GPHN: variants seen among roughly 807,000 people sequenced by gnomAD.
The protein encoded by GPHN is gephyrin.
Under a neutral mutation model 95.5 loss-of-function variants are expected in GPHN, and 17 were observed. The ratio of observed to expected loss-of-function variants is 0.18; its 90% CI spans 0.12 to 0.27. The LOEUF is 0.27. Among genes scored for constraint, GPHN ranks in the 10% least tolerant of loss-of-function variants. The pLI, the probability that GPHN is intolerant of heterozygous loss-of-function variation, is 1.00. For synonymous variants in GPHN, 320 were observed against 322.5 expected, an observed-to-expected ratio of 0.99 and a Z score of 0.08; for missense variants, 660 against 978.1, an observed-to-expected ratio of 0.67 and a Z score of 4.34.
At chr14:67,264,866 G>A in the GPHN span, among the ~76,000 whole-genome samples, 1 of 152,102 alleles carries the variant, frequency 6.6e-6, no homozygotes. Flanking sequence ...GTTTACATCT[G>A]AGAAAGATGT....
chr14:67,233,784 A>G, the GPHN span, among the ~76,000 whole-genome samples: 2 of 152,250 alleles, frequency 1.3e-5, no homozygotes, highest in African/African-American at 2.4e-5. Context: ...TGAACGTGCC[A>G]TGTGAAAGAA....
chr14:66,701,478 A>C (rs1295034131), intron 2 of GPHN, among the ~76,000 whole-genome samples: 2 of 152,182 alleles, frequency 1.3e-5, no homozygotes, highest in Admixed American at 1.3e-4. Flanking sequence ...CAGGCTGTCT[A>C]ATCAGAAATG....
intron 4 of GPHN, among the ~76,000 whole-genome samples, chr14:66,827,764 C>A (rs902039309): frequency 7.2e-5 from 11 of 152,132 alleles, no homozygotes; most frequent in African/African-American, 2.6e-4. Context: ...GGGTAAGCTT[C>A]ATATTTGATC....
At chr14:67,302,218 C>A in the GPHN span, 1 of 1,315,514 alleles carries the variant, frequency 7.6e-7, no homozygotes, top group Non-Finnish European at 1.0e-6. Context: ...TAGAGTATTT[C>A]TGAAGCAGAA....
At chr14:67,252,466 A>G in the GPHN span, among the ~76,000 whole-genome samples, 2 of 152,136 alleles carry the variant, frequency 1.3e-5, no homozygotes, top group African/African-American at 4.8e-5. Context: ...TTAGCAAACT[A>G]TTGAACCTGA....
At chr14:67,376,854 GTC>G in the GPHN span, among the ~76,000 whole-genome samples, 2 of 152,136 alleles carry the variant, frequency 1.3e-5, no homozygotes, top group Non-Finnish European at 2.9e-5. Context: ...TAAAGAGCAT[GTC>G]TCACCAAAAA....
the GPHN span, among the ~76,000 whole-genome samples, chr14:67,378,052 G>A: frequency 1.3e-5 from 2 of 151,686 alleles, no homozygotes; most frequent in African/African-American, 4.8e-5. Flanking sequence ...GTGGTTTGAG[G>A]TTTCTGTGAG....
the GPHN span, among the ~76,000 whole-genome samples, chr14:67,321,686 T>G: frequency 6.6e-6 from 1 of 152,210 alleles, no homozygotes; most frequent in African/African-American, 2.4e-5. Flanking sequence ...TGCTCCTGTA[T>G]TTTGACTATG....
chr14:67,186,467 A>C (rs2083369027), downstream of GPHN, among the ~76,000 whole-genome samples: 1 of 152,178 alleles, frequency 6.6e-6, no homozygotes, highest in African/African-American at 2.4e-5. Flanking sequence ...CAGAGGAAAC[A>C]CAGATATCAG....
At chr14:66,965,937 AT>A (rs1439599229) in intron 9 of GPHN, among the ~76,000 whole-genome samples, 2 of 152,094 alleles carry the variant, frequency 1.3e-5, no homozygotes, top group African/African-American at 4.8e-5. Flanking sequence ...TGAGACACTT[AT>A]ATGCTGTTCA....
chr14:66,658,071 C>G (rs2065409499), intron 1 of GPHN, among the ~76,000 whole-genome samples: 1 of 152,080 alleles, frequency 6.6e-6, no homozygotes, highest in Non-Finnish European at 1.5e-5. Flanking sequence ...AAAATACCAG[C>G]ATTAATAAAA....
chr14:67,372,940 T>C, the GPHN span, among the ~76,000 whole-genome samples: 5 of 152,178 alleles, frequency 3.3e-5, no homozygotes. Flanking sequence ...ATAGCAAATA[T>C]GCACATGAAA....
the GPHN span, chr14:67,335,954 GTTCTTTACAGAGGGATAGTGCCCCC>G: frequency 0.03 from 4,580 of 152,242 alleles, 86 homozygotes; most frequent in Non-Finnish European, 0.036. Flanking sequence ...TTTTTGATTT[GTTCTTTACAGAGGGATAGTGCCCCC>G]TGTTGGCACA....
intron 6 of GPHN, 27 bp from the exon 7 acceptor site, chr14:66,922,639 A>ATTTTTTTTTT (rs765769429): frequency 3.2e-6 from 5 of 1,562,170 alleles, no homozygotes; most frequent in Non-Finnish European, 4.4e-6. Flanking sequence ...CTTCATCTTA[A>ATTTTTTTTTT]TTTTTTTTTC....
rs560116862 is a variant in GPHN at position 66,668,354 on chromosome 14, T to A, written c.65-12753T>A. On this transcript the variant is annotated intron_variant, in intron 1 of 22. Transcript: ENST00000478722. ...ACCCATATGTTCATTGCAGTACTTA[T>A]GACAATAGCAAACATATGGAATCAA... Among the ~76,000 whole-genome samples, 5 of 152,302 alleles carry A rather than the reference T, an allele frequency of 3.3e-5. No individual in the cohort carries two copies. The South Asian group carries it at 1.0e-3, about 32-fold the overall frequency.
chr14:67,337,599 A>G, the GPHN span: 1 of 152,202 alleles, frequency 6.6e-6, no homozygotes, highest in African/African-American at 2.4e-5. Flanking sequence ...CAGTGTCACA[A>G]TTTCAGAACT....
chr14:67,294,440 G>A, the GPHN span: 1 of 151,522 alleles, frequency 6.6e-6, no homozygotes, highest in Admixed American at 6.6e-5. Context: ...CAACTCCCCT[G>A]TTTCACATTC....
At chr14:66,878,487 C>A (rs918524946) in intron 4 of GPHN, among the ~76,000 whole-genome samples, 3 of 152,100 alleles carry the variant, frequency 2.0e-5, no homozygotes, top group Non-Finnish European at 4.4e-5. Flanking sequence ...GGCTAATATA[C>A]AGAATCTATA....
chr14:67,329,126 C>T, the GPHN span, among the ~76,000 whole-genome samples: 7 of 152,188 alleles, frequency 4.6e-5, no homozygotes, highest in African/African-American at 1.7e-4. Flanking sequence ...AATGTTCTTC[C>T]ATTTGTTTGG....
Sources: gnomAD v4.1 joint callset for allele counts (sites outside exome capture counted in the v4.1 genomes callset) on GRCh38, gnomAD v4.1.1 for gene constraint, MANE v1.5 for transcripts, NCBI Gene and HGNC (gene_info 2026-07-23, HGNC 2026-07-21) for gene names.